LRMDA: variants seen among roughly 807,000 people sequenced by gnomAD.
LRMDA encodes the protein leucine rich melanocyte differentiation associated.
LRMDA carries 18 observed loss-of-function variants against 29.8 expected under a neutral mutation model. The observed-to-expected ratio is 0.60, with a 90% CI of 0.42 to 0.90. The LOEUF is 0.90. Among genes scored for constraint, LRMDA ranks in the 40% least tolerant of loss-of-function variants. The pLI is 0.00. For synonymous variants in LRMDA, 125 were observed against 109.4 expected (o/e 1.14, Z -0.89); for missense variants, 273 against 273.9 (o/e 1.00, Z 0.02).
intron 2 of LRMDA, among the ~76,000 whole-genome samples, chr10:75,545,424 C>T (rs1840067916): frequency 6.6e-6 from 1 of 152,176 alleles, no homozygotes; most frequent in Non-Finnish European, 1.5e-5. Flanking sequence ...GATGGTTATA[C>T]TGCAGACTTT....
At chr10:75,916,488 C>T (rs1343881715) in intron 2 of LRMDA, among the ~76,000 whole-genome samples, 2 of 152,168 alleles carry the variant, frequency 1.3e-5, no homozygotes, top group Admixed American at 1.3e-4. Flanking sequence ...AGAGGTGCTG[C>T]CTCTTGCCTT....
At chr10:76,138,789 G>A (rs1265511182) in intron 5 of LRMDA, among the ~76,000 whole-genome samples, 1 of 152,140 alleles carries the variant, frequency 6.6e-6, no homozygotes, top group Admixed American at 6.6e-5. Context: ...AAGAATTTAT[G>A]TAAGTATGCT....
chr10:75,575,588 C>T lies in LRMDA; in HGVS notation c.131+137094C>T, dbSNP rs142017515. ...ATTAAATCTTAAAGCTCAGGATGGC[C>T]AAATAGGAACAGCTCCAGTCTGTAG... On this transcript the variant is annotated intron_variant, in intron 2 of 6. Coordinates refer to ENST00000611255, the MANE Select transcript of LRMDA (RefSeq NM_001305581.2). Among the ~76,000 whole-genome samples the T allele has an allele frequency of 7.8e-3, 1,182 of 152,270 alleles. 7 individuals are homozygous for T. Among genetic ancestry groups the T allele is most frequent in the South Asian group, 0.043 (205 of 4,822 alleles).
chr10:76,049,821 G>A (rs1164776703), intron 4 of LRMDA, among the ~76,000 whole-genome samples: 1 of 152,120 alleles, frequency 6.6e-6, no homozygotes, highest in African/African-American at 2.4e-5. Flanking sequence ...CTTCCTTCTA[G>A]CTGTTTCCCA....
chr10:75,723,390 C>A (rs1842593262), intron 2 of LRMDA, among the ~76,000 whole-genome samples: 1 of 152,206 alleles, frequency 6.6e-6, no homozygotes, highest in South Asian at 2.1e-4. Flanking sequence ...AATGTGGGGT[C>A]TTTGATACCG....
chr10:76,338,367 A>G (rs1488599494), intron 6 of LRMDA, among the ~76,000 whole-genome samples: 3 of 84,316 alleles, frequency 3.6e-5, no homozygotes, highest in Non-Finnish European at 6.2e-5. Context: ...CAGTCTCATA[A>G]ATAAATAAAT....
chr10:76,036,161 C>T (rs771488578), intron 3 of LRMDA, 27 bp downstream of exon 3: 1 of 1,600,962 alleles, frequency 6.2e-7, no homozygotes, highest in Middle Eastern at 2.2e-4. Context: ...CCGCTGCCCC[C>T]ACTCCCCACC....
At chr10:75,649,721 C>A (rs1215389870) in intron 2 of LRMDA, among the ~76,000 whole-genome samples, 1 of 152,116 alleles carries the variant, frequency 6.6e-6, no homozygotes, top group Non-Finnish European at 1.5e-5. Flanking sequence ...TGAGGAACTG[C>A]CATATTGTTT....
intron 2 of LRMDA, among the ~76,000 whole-genome samples, chr10:75,706,347 A>G (rs1842368594): frequency 6.6e-6 from 1 of 152,166 alleles, no homozygotes; most frequent in African/African-American, 2.4e-5. Context: ...CCAGGTATAG[A>G]AATATTGGGC....
intron 5 of LRMDA, among the ~76,000 whole-genome samples, chr10:76,208,368 T>C (rs779686010): frequency 3.9e-5 from 6 of 152,190 alleles, no homozygotes; most frequent in Admixed American, 6.5e-5. Flanking sequence ...TCTGCTCCAT[T>C]TTAAAGAAAC....
chr10:75,930,097 A>G (rs1390739639), intron 2 of LRMDA, among the ~76,000 whole-genome samples: 2 of 152,218 alleles, frequency 1.3e-5, no homozygotes, highest in Admixed American at 1.3e-4. Context: ...TCTGAAGAAA[A>G]TCATGAAACC....
chr10:75,436,579 T>C (rs1022187242), intron 1 of LRMDA, among the ~76,000 whole-genome samples: 2 of 152,020 alleles, frequency 1.3e-5, no homozygotes, highest in Admixed American at 6.6e-5. Flanking sequence ...ACCATTCTCC[T>C]ACCCTAGCCT....
intron 5 of LRMDA, among the ~76,000 whole-genome samples, chr10:76,228,801 C>T (rs989507848): frequency 6.6e-6 from 1 of 152,200 alleles, no homozygotes; most frequent in Non-Finnish European, 1.5e-5. Context: ...ATGCCTGCAC[C>T]TTAGCAGGAC....
At chr10:75,562,721 C>T (rs1186777030) in intron 2 of LRMDA, among the ~76,000 whole-genome samples, 1 of 152,056 alleles carries the variant, frequency 6.6e-6, no homozygotes, top group African/African-American at 2.4e-5. Flanking sequence ...TTAGGGCAGG[C>T]CTGGTGGTGA....
rs950931512 is a variant in LRMDA, at chr10:76,194,231, G to A, written c.517-130170G>A. ...CCACTGAGTTATTTCGGATGGACAA[G>A]AACAGGATAAGATTTGTGTTTTGAG... On this transcript the variant is annotated intron_variant, in intron 5 of 6. Transcript: ENST00000611255. Among the ~76,000 whole-genome samples the A allele has an allele frequency of 3.3e-5, 5 of 152,288 alleles. 1 individual carries two copies. In the East Asian group the frequency reaches 9.6e-4, roughly 29 times the overall value.
At chr10:75,747,587 G>A (rs774724466) in intron 2 of LRMDA, among the ~76,000 whole-genome samples, 10 of 152,198 alleles carry the variant, frequency 6.6e-5, no homozygotes, top group Non-Finnish European at 8.8e-5. Context: ...CTAACTTTTT[G>A]TGTGATAAAT....
intron 6 of LRMDA, among the ~76,000 whole-genome samples, chr10:76,546,017 A>G (rs1472633706): frequency 6.6e-6 from 1 of 152,172 alleles, no homozygotes; most frequent in African/African-American, 2.4e-5. Context: ...GTGTTTTAAC[A>G]GGCCTTCTCA....
At chr10:76,532,143 A>G (rs145433197) in intron 6 of LRMDA, among the ~76,000 whole-genome samples, 2,190 of 152,256 alleles carry the variant, frequency 0.014, 58 homozygotes, top group African/African-American at 0.049. Flanking sequence ...CGTCACCTAC[A>G]TTAGGTATTT....
At chr10:76,410,537 AG>A (rs1841949350) in intron 6 of LRMDA, among the ~76,000 whole-genome samples, 1 of 151,824 alleles carries the variant, frequency 6.6e-6, no homozygotes, top group African/African-American at 2.4e-5. Context: ...TTGAACTCCT[AG>A]GCTTAAGCAA....
Sources: allele counts gnomAD v4.1 joint callset (sites outside exome capture counted in the v4.1 genomes callset), GRCh38; gene constraint gnomAD v4.1.1; transcripts MANE v1.5; gene names NCBI Gene and HGNC (gene_info 2026-07-23, HGNC 2026-07-21).